GORAB: variants seen among roughly 807,000 people sequenced by gnomAD.
The protein encoded by GORAB is RAB6-interacting golgin.
GORAB carries 17 observed loss-of-function variants against 29.9 expected under a neutral mutation model. The observed-to-expected ratio is 0.57, with a 90% CI of 0.39 to 0.85. The LOEUF (loss-of-function observed/expected upper bound fraction) is 0.85, where lower values mean the gene tolerates loss of function less well. GORAB is among the 40% of genes least tolerant of loss of function. The pLI, the probability that GORAB is intolerant of heterozygous loss-of-function variation, is 0.00. For synonymous variants in GORAB, 183 were observed against 157.2 expected (o/e 1.16, Z -1.23); for missense variants, 442 against 437.8 (o/e 1.01, Z -0.09).
chr1:170,551,039 G>A (rs1650076107), intron 4 of GORAB, among the ~76,000 whole-genome samples: 1 of 152,152 alleles, frequency 6.6e-6, no homozygotes, highest in African/African-American at 2.4e-5. Context: ...TGTCAACAGA[G>A]TTTATACATG....
At chr1:170,548,221 C>T (rs1292740013) in intron 4 of GORAB, among the ~76,000 whole-genome samples, 1 of 152,246 alleles carries the variant, frequency 6.6e-6, no homozygotes, top group Non-Finnish European at 1.5e-5. Context: ...CTTGTGGCCA[C>T]GCCATGCCAT....
At chr1:170,548,687 A>G (rs1649910650) in intron 4 of GORAB, among the ~76,000 whole-genome samples, 1 of 152,242 alleles carries the variant, frequency 6.6e-6, no homozygotes, top group Admixed American at 6.5e-5. Context: ...AAGTTATTGC[A>G]TCATCCTTTC....
At chr1:170,544,455 A>C (rs1649630320) in intron 3 of GORAB, among the ~76,000 whole-genome samples, 1 of 152,210 alleles carries the variant, frequency 6.6e-6, no homozygotes, top group African/African-American at 2.4e-5. Context: ...AATGAATATC[A>C]ATCTAAAATG....
At chr1:170,543,558 T>TAGGA (rs1649571571) in intron 3 of GORAB, among the ~76,000 whole-genome samples, 1 of 151,574 alleles carries the variant, frequency 6.6e-6, no homozygotes, top group Admixed American at 6.6e-5. Context: ...TCTTGAAGCA[T>TAGGA]AGGAAATAAT....
At chr1:170,539,070 C>A in intron 1 of GORAB, 140 bp from the exon 2 acceptor site, 1 of 1,020,870 alleles carries the variant, frequency 9.8e-7, no homozygotes, top group Non-Finnish European at 1.4e-6. Context: ...CTGTTTTTCC[C>A]CTAGACTTTC....
In GORAB at chr1:170,542,391, A is replaced by G; in HGVS notation, c.420-100A>G. The G allele has an allele frequency of 2.8e-6, 2 of 723,714 alleles. 1 individual carries two copies. Among genetic ancestry groups the G allele is most frequent in the South Asian group, 3.2e-5 (2 of 63,332 alleles). The allele number at this position is 723,714 out of a possible 1,614,324, so 44.8% of individuals were successfully genotyped here. On this transcript the variant is annotated intron_variant, in intron 2 of 4. Transcript: ENST00000367763. ...AACATATACATAAATCTTCTTGATT[A>G]AATTTTATACTTAGAGGACTGAGAC...
chr1:170,539,487 G>C lies in GORAB; in HGVS notation c.339G>C (p.Glu113Asp), dbSNP rs745488711. ...GTCAGCCAAAGGAACTGGGACTTGA[G>C]AATTCCCATGATGGTCACAACAATG... ...IESQPKELGL[E>D]NSHDGHNNVE... is the part of the protein sequence containing the mutation. The change falls in exon 2 of 5, where the codon GAG becomes GAC. Residue 113 changes from glutamate (E) to aspartate (D), a missense_variant. Glu to Asp is a conservative substitution (Grantham distance 45). Coordinates refer to ENST00000367763, the MANE Select transcript of GORAB (RefSeq NM_152281.3). 6.2e-7 allele frequency: 1 copy of C among 1,614,024 alleles called. No individual in the cohort carries two copies. Among genetic ancestry groups the C allele is most frequent in the South Asian group, 1.1e-5 (1 of 91,076 alleles).
rs1649243860 is a variant in GORAB, at chr1:170,539,234, T to A, written c.86T>A (p.Leu29His). ...GATCCATTTGAACCACAGCGACGTC[T>A]CCCCGCGAAGAAAAGTCGACAACAA... Reference protein sequence around the residue: ...TKDPFEPQRRLPAKKSRQQLQ... With the variant: ...TKDPFEPQRRHPAKKSRQQLQ... The change falls in exon 2 of 5, where the codon CTC becomes CAC. Residue 29 changes from leucine (L) to histidine (H), a missense_variant. Transcript: ENST00000367763. 2 of 1,614,066 alleles carry A rather than the reference T, an allele frequency of 1.2e-6. No homozygotes were observed. Among genetic ancestry groups the A allele is most frequent in the East Asian group, 4.5e-5 (2 of 44,878 alleles).
chr1:170,545,541 A>T, intron 4 of GORAB: 1 of 983,684 alleles, frequency 1.0e-6, no homozygotes, highest in Non-Finnish European at 1.2e-6. Flanking sequence ...ATAAAAGGGC[A>T]AAAAAATATG....
rs1649635834 is a variant in GORAB, at chr1:170,544,548, C to G, written c.522-157C>G. The G allele has an allele frequency of 5.6e-6, 3 of 538,702 alleles. No homozygotes were observed. In the African/African-American group the frequency reaches 5.7e-5, roughly 10 times the overall value. The allele number at this position is 538,702 out of a possible 1,614,324, so 33.4% of individuals were successfully genotyped here. A position where few individuals can be genotyped will look rare whatever the true frequency, so the allele number is the denominator to read the frequency against. On this transcript the variant is annotated intron_variant, in intron 3 of 4. Coordinates refer to ENST00000367763, the MANE Select transcript of GORAB (RefSeq NM_152281.3). Reference sequence around the variant, plus strand: ...AAATTTCAAAAACTCAAATGTTAACCAGCTTTTACTTTATTTCAATTTTTC... The same window carrying G: ...AAATTTCAAAAACTCAAATGTTAACGAGCTTTTACTTTATTTCAATTTTTC...
chr1:170,544,817 C>A lies in GORAB; in HGVS notation c.634C>A (p.Gln212Lys). The change falls in exon 4 of 5, where the codon CAG becomes AAG. Residue 212 changes from glutamine to lysine, a missense_variant. Gln to Lys is a moderately conservative substitution (Grantham distance 53). Coordinates refer to ENST00000367763, the MANE Select transcript of GORAB (RefSeq NM_152281.3). ...DIGILRNRID[Q>K]ASLDYSYARK... ...TGGAATTCTCAGGAACCGGATTGAT[C>A]AGGCCAGCTTAGACTATTCATACGC... The A allele has an allele frequency of 6.2e-7, 1 of 1,613,988 alleles. No homozygotes were observed. The highest frequency in any genetic ancestry group is 2.2e-5 in the East Asian group (1 of 44,878).
chr1:170,552,470 G>A lies in GORAB; in HGVS notation c.*8G>A, dbSNP rs755480388. 2 of 1,611,518 alleles carry A rather than the reference G, an allele frequency of 1.2e-6. No homozygotes were observed. The highest frequency in any genetic ancestry group is 1.7e-6 in the Non-Finnish European group (2 of 1,178,258). On this transcript the variant is annotated 3_prime_UTR_variant, in exon 5 of 5. Coordinates refer to ENST00000367763, the MANE Select transcript of GORAB (RefSeq NM_152281.3). ...GCTGCTTTGGCCACATGAAGTTCTGGTATTCTTTTGAGCTAATATGGTATT... is the reference window on the plus strand; with the variant it reads ...GCTGCTTTGGCCACATGAAGTTCTGATATTCTTTTGAGCTAATATGGTATT...
At chr1:170,538,256 C>T (rs1211902370) in intron 1 of GORAB, among the ~76,000 whole-genome samples, 2 of 152,148 alleles carry the variant, frequency 1.3e-5, no homozygotes, top group Non-Finnish European at 2.9e-5. Flanking sequence ...GAGCTTTTAA[C>T]TATACTTTGG....
chr1:170,538,972 T>C (rs1051314414), intron 1 of GORAB: 15 of 550,990 alleles, frequency 2.7e-5, no homozygotes, highest in Non-Finnish European at 4.1e-5. Context: ...TGATGGACTT[T>C]CTCTGAAGAT....
intron 1 of GORAB, among the ~76,000 whole-genome samples, chr1:170,537,324 T>G (rs1436975320): frequency 6.6e-6 from 1 of 152,206 alleles, no homozygotes; most frequent in African/African-American, 2.4e-5. Context: ...GGTCAGCAGT[T>G]AATTGCTATA....
chr1:170,536,296 A>G (rs2101817413), intron 1 of GORAB: 1 of 152,302 alleles, frequency 6.6e-6, no homozygotes, highest in Non-Finnish European at 1.5e-5. Flanking sequence ...CTGCTGATAT[A>G]TAAAAAATAC....
chr1:170,546,815 G>A (rs1649791998), intron 4 of GORAB, among the ~76,000 whole-genome samples: 1 of 152,036 alleles, frequency 6.6e-6, no homozygotes, highest in Admixed American at 6.6e-5. Flanking sequence ...CTCCTGAGTA[G>A]CCCAACTATA....
chr1:170,533,821 C>T (rs1353130737), intron 1 of GORAB, among the ~76,000 whole-genome samples: 2 of 152,118 alleles, frequency 1.3e-5, no homozygotes, highest in African/African-American at 4.8e-5. Context: ...ACCTCGAGGA[C>T]GGAAAATATC....
At chr1:170,544,006 A>G (rs1649602929) in intron 3 of GORAB, among the ~76,000 whole-genome samples, 2 of 152,190 alleles carry the variant, frequency 1.3e-5, no homozygotes, top group Admixed American at 1.3e-4. Context: ...GAAAATTTGA[A>G]ATGAGTGAAA....
Sources: gnomAD v4.1 joint callset for allele counts (sites outside exome capture counted in the v4.1 genomes callset) on GRCh38, gnomAD v4.1.1 for gene constraint, MANE v1.5 for transcripts, NCBI Gene and HGNC (gene_info 2026-07-23, HGNC 2026-07-21) for gene names.